The following KCNQ3 variants were observed in gnomAD, a reference collection of about 807,000 sequenced individuals.
The protein encoded by KCNQ3 is potassium voltage-gated channel subfamily Q member 3.
In KCNQ3, 30 loss-of-function variants were observed where a neutral mutation model predicts 92.5. The observed-to-expected ratio is 0.32, with a 90% CI of 0.24 to 0.44. KCNQ3 has a LOEUF of 0.44. Among genes scored for constraint, KCNQ3 ranks in the 20% least tolerant of loss-of-function variants. The pLI is 1.00. For synonymous variants in KCNQ3, 450 were observed against 468.8 expected (o/e 0.96, Z 0.52); for missense variants, 913 against 1,140.3 (o/e 0.80, Z 2.87).
At chr8:132,213,823 G>GC (rs769931169) in intron 1 of KCNQ3, among the ~76,000 whole-genome samples, 34 of 152,206 alleles carry the variant, frequency 2.2e-4, no homozygotes, top group Non-Finnish European at 4.9e-4. Flanking sequence ...TGGGAACTGA[G>GC]CAAATCAATG....
intron 1 of KCNQ3, among the ~76,000 whole-genome samples, chr8:132,335,362 T>C (rs749049824): frequency 2.0e-5 from 3 of 152,162 alleles, no homozygotes; most frequent in Non-Finnish European, 2.9e-5. Context: ...TTTCAATGAC[T>C]GCCCATTATC....
At chr8:132,156,851 G>A (rs1586781273) in intron 9 of KCNQ3, among the ~76,000 whole-genome samples, 1 of 152,128 alleles carries the variant, frequency 6.6e-6, no homozygotes, top group South Asian at 2.1e-4. Context: ...TCCAATGACT[G>A]TTGCCTTTAT....
At chr8:132,341,977 GAA>G (rs950670524) in intron 1 of KCNQ3, among the ~76,000 whole-genome samples, 2 of 152,110 alleles carry the variant, frequency 1.3e-5, no homozygotes, top group Admixed American at 1.3e-4. Flanking sequence ...TTCAGACTTG[GAA>G]AAGTGTTCTT....
intron 1 of KCNQ3, among the ~76,000 whole-genome samples, chr8:132,307,377 C>T (rs925295813): frequency 1.3e-5 from 2 of 152,182 alleles, no homozygotes; most frequent in African/African-American, 4.8e-5. Flanking sequence ...CAAGAGGGAG[C>T]TAGTGGTCAC....
chr8:132,258,457 A>G (rs1262753513), intron 1 of KCNQ3, among the ~76,000 whole-genome samples: 4 of 152,164 alleles, frequency 2.6e-5, no homozygotes, highest in Non-Finnish European at 4.4e-5. Flanking sequence ...ATACTTTGAC[A>G]TGAATGAAAA....
In KCNQ3 at chr8:132,480,217, G is replaced by T; in HGVS notation, c.316C>A (p.Arg106Ser). 1 of 1,613,370 alleles carries T rather than the reference G, an allele frequency of 6.2e-7. No homozygotes were observed. Reference sequence around the variant, plus strand: ...GCGTCGTAGATCAAAGTTTGGATGCGCCGGTACTTGGCGTTGTTTCTCTTG... The same window carrying T: ...GCGTCGTAGATCAAAGTTTGGATGCTCCGGTACTTGGCGTTGTTTCTCTTG... The part of the protein sequence containing the change: ...PVKRNNAKYR[R>S]IQTLIYDALE... Residue 106 changes from arginine to serine, a missense_variant, in exon 1 of 15, where the codon CGC becomes AGC. Transcript: ENST00000388996.
At position 132,279,031 on chromosome 8, in the gene KCNQ3, C is replaced by T. The variant is rs548097614; in HGVS notation, c.387-92850G>A. ...AGGAGTTCAAGACCAGTCTGGCCAA[C>T]ATGATGAAACCCCGTCTCTACTAGA... On this transcript the variant is annotated intron_variant, in intron 1 of 14. Coordinates refer to ENST00000388996, the MANE Select transcript of KCNQ3 (RefSeq NM_004519.4). Among the ~76,000 whole-genome samples, 8 of 152,090 alleles carry T rather than the reference C, an allele frequency of 5.3e-5. No homozygotes were observed. In the South Asian group the frequency reaches 1.7e-3, roughly 32 times the overall value.
intron 9 of KCNQ3, among the ~76,000 whole-genome samples, chr8:132,155,589 A>G (rs148094548): frequency 1.5e-4 from 23 of 152,370 alleles, no homozygotes; most frequent in African/African-American, 5.3e-4. Context: ...ACTGAAGCAC[A>G]GTGAAGTCTG....
At chr8:132,473,762 AT>A (rs1370266292) in intron 1 of KCNQ3, among the ~76,000 whole-genome samples, 2 of 152,212 alleles carry the variant, frequency 1.3e-5, no homozygotes. Context: ...GCCCAAATTT[AT>A]CTTACCTCCA....
chr8:132,360,395 T>C (rs60405929), intron 1 of KCNQ3, among the ~76,000 whole-genome samples: 11,542 of 152,296 alleles, frequency 0.076, 495 homozygotes, highest in South Asian at 0.16. Flanking sequence ...TGTTTGTTGA[T>C]GACCCATCTC....
chr8:132,347,146 C>A (rs555383017), intron 1 of KCNQ3, among the ~76,000 whole-genome samples: 81 of 152,282 alleles, frequency 5.3e-4, no homozygotes, highest in African/African-American at 1.9e-3. Flanking sequence ...CCTTCTGCCC[C>A]TGGAGTCTGT....
intron 1 of KCNQ3, among the ~76,000 whole-genome samples, chr8:132,229,996 G>A (rs1366447300): frequency 2.0e-5 from 3 of 152,102 alleles, no homozygotes; most frequent in Non-Finnish European, 4.4e-5. Flanking sequence ...GGGCAGGATG[G>A]GGTCTGATCA....
intron 1 of KCNQ3, among the ~76,000 whole-genome samples, chr8:132,359,379 T>C (rs1819102365): frequency 6.6e-6 from 1 of 152,174 alleles, no homozygotes; most frequent in African/African-American, 2.4e-5. Flanking sequence ...GCTCCTTCTC[T>C]CTCATAGGCT....
At chr8:132,397,782 A>C (rs1820229149) in intron 1 of KCNQ3, among the ~76,000 whole-genome samples, 1 of 152,202 alleles carries the variant, frequency 6.6e-6, no homozygotes, top group Non-Finnish European at 1.5e-5. Flanking sequence ...GAACTTGTTC[A>C]AGGGTGCACA....
chr8:132,163,223 T>A (rs537192268), intron 9 of KCNQ3, among the ~76,000 whole-genome samples: 5 of 152,270 alleles, frequency 3.3e-5, no homozygotes, highest in Admixed American at 3.3e-4. Flanking sequence ...AGATAACATA[T>A]GCAGAACTCC....
At chr8:132,190,039 T>A (rs1827114211) in intron 1 of KCNQ3, among the ~76,000 whole-genome samples, 1 of 152,148 alleles carries the variant, frequency 6.6e-6, no homozygotes, top group Non-Finnish European at 1.5e-5. Context: ...AGTGACTTTG[T>A]TTTTAGTTGG....
chr8:132,263,883 C>T (rs1475729654), intron 1 of KCNQ3, among the ~76,000 whole-genome samples: 2 of 152,106 alleles, frequency 1.3e-5, no homozygotes, highest in African/African-American at 2.4e-5. Context: ...TCCAGCTCTT[C>T]GGGTCACCCT....
chr8:132,282,598 C>G (rs1009059736), intron 1 of KCNQ3, among the ~76,000 whole-genome samples: 3 of 152,150 alleles, frequency 2.0e-5, no homozygotes, highest in Non-Finnish European at 4.4e-5. Flanking sequence ...TCCTGCTCCT[C>G]CGTGAGAAGG....
intron 1 of KCNQ3, among the ~76,000 whole-genome samples, chr8:132,187,869 G>GGTGGTGATA (rs1563795874): frequency 2.8e-4 from 29 of 104,862 alleles, no homozygotes; most frequent in African/African-American, 1.4e-3. Flanking sequence ...TGGTGGTGGT[G>GGTGGTGATA]GTGATAGTGA....
Sources: allele counts gnomAD v4.1 joint callset (sites outside exome capture counted in the v4.1 genomes callset), GRCh38; gene constraint gnomAD v4.1.1; transcripts MANE v1.5; gene names NCBI Gene and HGNC (gene_info 2026-07-23, HGNC 2026-07-21).